Variants in JAZF1 observed in about 807,000 individuals in gnomAD.
The protein encoded by JAZF1 is JAZF zinc finger 1, also known as juxtaposed with another zinc finger protein 1.
Under a neutral mutation model 26.4 loss-of-function variants are expected in JAZF1, and 8 were observed. That is an observed-to-expected ratio of 0.30 (90% CI 0.18 to 0.55). The LOEUF is 0.55. Among genes scored for constraint, JAZF1 ranks in the 20% least tolerant of loss-of-function variants. JAZF1 has a pLI of 0.94. For missense variants in JAZF1, 199 were observed against 322.0 expected (o/e 0.62, Z 2.92); for synonymous variants, 126 against 122.3 (o/e 1.03, Z -0.20).
intron 2 of JAZF1, among the ~76,000 whole-genome samples, chr7:27,974,854 A>G (rs988936263): frequency 7.3e-5 from 11 of 151,158 alleles, no homozygotes; most frequent in African/African-American, 2.7e-4. Context: ...TATGGTGCCA[A>G]TATCTGCTTG....
intron 1 of JAZF1, among the ~76,000 whole-genome samples, chr7:28,159,882 G>A (rs949400440): frequency 6.6e-6 from 1 of 152,148 alleles, no homozygotes; most frequent in African/African-American, 2.4e-5. Flanking sequence ...ATTCACCCAA[G>A]CCCTGATACC....
intron 1 of JAZF1, among the ~76,000 whole-genome samples, chr7:28,056,292 TA>T (rs1301433430): frequency 3.3e-5 from 5 of 152,134 alleles, no homozygotes; most frequent in Admixed American, 1.3e-4. Context: ...AGGCAGTTCA[TA>T]CCACATGTAC....
intron 1 of JAZF1, among the ~76,000 whole-genome samples, chr7:28,061,266 T>C (rs548544962): frequency 6.6e-6 from 1 of 152,380 alleles, no homozygotes; most frequent in Non-Finnish European, 1.5e-5. Flanking sequence ...GACCTTACAA[T>C]GCAGATGCTG....
chr7:28,140,143 C>T (rs1782942048), intron 1 of JAZF1, among the ~76,000 whole-genome samples: 1 of 148,234 alleles, frequency 6.7e-6, no homozygotes, highest in Non-Finnish European at 1.5e-5. Context: ...AGTGCAGTGG[C>T]GTGATCTTGG....
intron 1 of JAZF1, among the ~76,000 whole-genome samples, chr7:28,106,117 C>A (rs975454138): frequency 6.6e-6 from 1 of 152,026 alleles, no homozygotes; most frequent in Admixed American, 6.5e-5. Context: ...GTTATTTCAG[C>A]GTTTAAAATG....
At chr7:28,176,951 C>T in intron 1 of JAZF1, among the ~76,000 whole-genome samples, 1 of 151,874 alleles carries the variant, frequency 6.6e-6, no homozygotes, top group Non-Finnish European at 1.5e-5. Context: ...GATGTTCATA[C>T]CAAGAATGTT....
At chr7:28,095,779 T>C (rs1784373913) in intron 1 of JAZF1, among the ~76,000 whole-genome samples, 1 of 152,174 alleles carries the variant, frequency 6.6e-6, no homozygotes, top group Non-Finnish European at 1.5e-5. Context: ...CATAACAGAA[T>C]ACCACAGCCA....
chr7:27,968,179 A>C (rs1785312244), intron 2 of JAZF1, among the ~76,000 whole-genome samples: 1 of 152,260 alleles, frequency 6.6e-6, no homozygotes, highest in South Asian at 2.1e-4. Context: ...AGCAAAAGAA[A>C]TCAGACACAA....
intron 1 of JAZF1, among the ~76,000 whole-genome samples, chr7:28,067,847 T>C (rs924394744): frequency 6.6e-6 from 1 of 152,176 alleles, no homozygotes; most frequent in Admixed American, 6.5e-5. Flanking sequence ...GAACAGAACC[T>C]AGACTTCAGC....
At chr7:27,868,489 C>T (rs116078781) in intron 3 of JAZF1, among the ~76,000 whole-genome samples, 26 of 152,206 alleles carry the variant, frequency 1.7e-4, no homozygotes, top group African/African-American at 5.3e-4. Flanking sequence ...CTGAACAAGG[C>T]GTGGAGTTGC....
chr7:27,940,689 G>A (rs6972944), intron 2 of JAZF1, among the ~76,000 whole-genome samples: 143,309 of 152,260 alleles, frequency 0.94, 67,509 homozygotes, highest in East Asian at 1. Context: ...TTGGGTCTCC[G>A]ATCAGAAGGG....
intron 1 of JAZF1, among the ~76,000 whole-genome samples, chr7:28,003,854 G>A (rs1782651912): frequency 6.6e-6 from 1 of 152,044 alleles, no homozygotes; most frequent in Non-Finnish European, 1.5e-5. Flanking sequence ...CAAGCTGGGA[G>A]TCTAGAAGGA....
At chr7:27,957,363 G>C (rs1229614546) in intron 2 of JAZF1, among the ~76,000 whole-genome samples, 1 of 152,162 alleles carries the variant, frequency 6.6e-6, no homozygotes, top group Non-Finnish European at 1.5e-5. Context: ...GATGACATAA[G>C]GGATGATGTA....
At chr7:27,838,840 C>T (rs908775438) in intron 4 of JAZF1, among the ~76,000 whole-genome samples, 16 of 152,138 alleles carry the variant, frequency 1.1e-4, no homozygotes, top group Non-Finnish European at 1.5e-4. Context: ...AGGAAACTCA[C>T]GCTTCCCTCG....
intron 1 of JAZF1, among the ~76,000 whole-genome samples, chr7:28,015,575 C>G (rs1300368856): frequency 6.6e-6 from 1 of 152,164 alleles, no homozygotes. Context: ...ACAATGGGTG[C>G]CTATGGCATT....
intron 2 of JAZF1, among the ~76,000 whole-genome samples, chr7:27,987,770 A>G (rs1013407294): frequency 6.6e-6 from 1 of 152,252 alleles, no homozygotes; most frequent in Non-Finnish European, 1.5e-5. Context: ...TGGGAAAAGA[A>G]AGAGAGATCA....
intron 3 of JAZF1, among the ~76,000 whole-genome samples, chr7:27,859,637 C>T (rs1243656150): frequency 1.3e-5 from 2 of 151,874 alleles, no homozygotes; most frequent in African/African-American, 4.8e-5. Flanking sequence ...CCAAACACCA[C>T]ATGTTCTCAC....
intron 2 of JAZF1, 81 bp from the exon 3 acceptor site, chr7:27,895,497 T>C (rs769032329): frequency 2.8e-5 from 29 of 1,027,352 alleles, no homozygotes; most frequent in East Asian, 2.8e-4. Flanking sequence ...GTTTCAGACA[T>C]GCACGACCCT....
At chr7:28,063,253 C>T (rs1342088274) in intron 1 of JAZF1, among the ~76,000 whole-genome samples, 1 of 152,144 alleles carries the variant, frequency 6.6e-6, no homozygotes, top group African/African-American at 2.4e-5. Flanking sequence ...ATTTGCAGAT[C>T]CTAATTACTT....
Sources: gnomAD v4.1 joint callset for allele counts (sites outside exome capture counted in the v4.1 genomes callset) on GRCh38, gnomAD v4.1.1 for gene constraint, MANE v1.5 for transcripts, NCBI Gene and HGNC (gene_info 2026-07-23, HGNC 2026-07-21) for gene names.